The following GBE1 variants were observed in gnomAD, a reference collection of about 807,000 sequenced individuals.
The protein encoded by GBE1 is 1,4-alpha-glucan branching enzyme 1.
In GBE1, 70 loss-of-function variants were observed where a neutral mutation model predicts 88.8. That is an observed-to-expected ratio of 0.79 (90% CI 0.65 to 0.96). The LOEUF (loss-of-function observed/expected upper bound fraction) is 0.96, where lower values mean the gene tolerates loss of function less well. GBE1 is among the 40% of genes least tolerant of loss of function. The pLI, the probability that GBE1 is intolerant of heterozygous loss-of-function variation, is 0.00. For synonymous variants in GBE1, 284 were observed against 300.1 expected, an observed-to-expected ratio of 0.95 and a Z score of 0.56; for missense variants, 872 against 871.0, an observed-to-expected ratio of 1.00 and a Z score of -0.01.
intron 12 of GBE1, among the ~76,000 whole-genome samples, chr3:81,557,052 A>T (rs924821075): frequency 6.6e-6 from 1 of 152,078 alleles, no homozygotes; most frequent in Non-Finnish European, 1.5e-5. Flanking sequence ...CCCTTTCTTA[A>T]ACGATGAAGT....
intron 12 of GBE1, among the ~76,000 whole-genome samples, chr3:81,569,491 G>A (rs932543266): frequency 6.6e-6 from 1 of 152,162 alleles, no homozygotes; most frequent in Non-Finnish European, 1.5e-5. Flanking sequence ...TCATGCCCTT[G>A]CCATTTAAGA....
intron 14 of GBE1, among the ~76,000 whole-genome samples, chr3:81,502,397 TG>T (rs1197499738): frequency 6.6e-6 from 1 of 152,172 alleles, no homozygotes; most frequent in African/African-American, 2.4e-5. Flanking sequence ...AATTTAGACA[TG>T]TTTCTCTGGC....
intron 10 of GBE1, among the ~76,000 whole-genome samples, chr3:81,584,331 G>A (rs1703769859): frequency 6.6e-6 from 1 of 151,990 alleles, no homozygotes; most frequent in East Asian, 1.9e-4. Flanking sequence ...AACATCACAG[G>A]CCATATACAT....
chr3:81,528,980 T>C (rs555203637), intron 14 of GBE1, among the ~76,000 whole-genome samples: 1 of 152,184 alleles, frequency 6.6e-6, no homozygotes, highest in African/African-American at 2.4e-5. Context: ...TAATGTTATT[T>C]CTGATAAGGA....
chr3:81,591,303 C>T, intron 8 of GBE1, 139 bp from the exon 9 acceptor site: 1 of 562,562 alleles, frequency 1.8e-6, no homozygotes. Flanking sequence ...AGCAAATATA[C>T]TGACTTAGAA....
rs529860715 is a variant in GBE1, at chr3:81,646,589, T to C, written c.692-107A>G. 55 of 664,478 alleles carry C rather than the reference T, an allele frequency of 8.3e-5. No homozygotes were observed. In the East Asian group the frequency reaches 1.5e-3, roughly 18 times the overall value. 41.2% of individuals were successfully genotyped at this position (664,478 alleles called of 1,614,324 possible). A position where few individuals can be genotyped will look rare whatever the true frequency, so the allele number is the denominator to read the frequency against. On this transcript the variant is annotated intron_variant, in intron 5 of 15. Transcript: ENST00000429644. ...AATACATTAAAATTTACAAACAATC[T>C]AGAAGCTTTGGTCGTCTTGAAAAGT...
chr3:81,681,499 G>C (rs1324771099), intron 2 of GBE1, among the ~76,000 whole-genome samples: 3 of 152,150 alleles, frequency 2.0e-5, no homozygotes, highest in Admixed American at 1.3e-4. Context: ...CATGGCAATG[G>C]TTTACAGCAA....
intron 2 of GBE1, among the ~76,000 whole-genome samples, chr3:81,691,777 A>G (rs1422043836): frequency 1.3e-5 from 2 of 152,176 alleles, no homozygotes; most frequent in Non-Finnish European, 2.9e-5. Context: ...GGTCTCAAAA[A>G]TAATTAATTA....
At chr3:81,538,703 C>A (rs572994992) in intron 12 of GBE1, among the ~76,000 whole-genome samples, 1 of 152,068 alleles carries the variant, frequency 6.6e-6, no homozygotes, top group African/African-American at 2.4e-5. Context: ...GCAATCTTTA[C>A]TGATAATGAA....
At chr3:81,555,472 T>G (rs1466189586) in intron 12 of GBE1, among the ~76,000 whole-genome samples, 2 of 152,160 alleles carry the variant, frequency 1.3e-5, no homozygotes, top group Non-Finnish European at 2.9e-5. Flanking sequence ...AGCAATATAG[T>G]TAGTAACTTA....
In GBE1 at chr3:81,738,651, A is replaced by T. The variant is rs55903411; in HGVS notation, c.143+22724T>A. Among the ~76,000 whole-genome samples the T allele has an allele frequency of 5.0e-3, 766 of 152,278 alleles. 2 individuals are homozygous for T. The highest frequency in any genetic ancestry group is 0.018 in the African/African-American group (735 of 41,552). ...ATTCTAAAAAAATTCCATACCCTGG[A>T]ATGTAATTCCTTGGGTCATTTTATT... On this transcript the variant is annotated intron_variant, in intron 1 of 15. Transcript: ENST00000429644.
intron 2 of GBE1, among the ~76,000 whole-genome samples, chr3:81,675,800 C>T (rs1284926320): frequency 6.6e-6 from 1 of 152,010 alleles, no homozygotes; most frequent in African/African-American, 2.4e-5. Flanking sequence ...TTCCTATACG[C>T]ATAAATTATT....
chr3:81,684,214 G>C (rs1215760160), intron 2 of GBE1, among the ~76,000 whole-genome samples: 1 of 152,090 alleles, frequency 6.6e-6, no homozygotes, highest in African/African-American at 2.4e-5. Context: ...TCTGACTCCT[G>C]CTTCTGTCTG....
chr3:81,581,276 C>G lies in GBE1; in HGVS notation c.1336-1G>C. 1 of 1,515,520 alleles carries G rather than the reference C, an allele frequency of 6.6e-7. No individual in the cohort carries two copies. Among genetic ancestry groups the G allele is most frequent in the East Asian group, 2.3e-5 (1 of 43,610 alleles). 93.9% of individuals were successfully genotyped at this position (1,515,520 alleles called of 1,614,324 possible). A position where few individuals can be genotyped will look rare whatever the true frequency, so the allele number is the denominator to read the frequency against. On this transcript the variant is annotated splice_acceptor_variant, in intron 10 of 15. Transcript: ENST00000429644. LOFTEE classifies it high-confidence loss of function. ...CTTCATCTTTAAACTCTTTAAGTAG[C>G]TAGACACAAGAGAGAAAAATAAGCT...
At chr3:81,704,298 T>C (rs1705741203) in intron 2 of GBE1, among the ~76,000 whole-genome samples, 1 of 152,096 alleles carries the variant, frequency 6.6e-6, no homozygotes, top group Non-Finnish European at 1.5e-5. Flanking sequence ...TGCATATTAA[T>C]ATAAAACCCA....
intron 14 of GBE1, among the ~76,000 whole-genome samples, chr3:81,534,133 G>A (rs535361381): frequency 2.0e-4 from 30 of 152,050 alleles, no homozygotes; most frequent in Non-Finnish European, 3.7e-4. Context: ...CATTGTTAGG[G>A]CTTCAGGGGG....
At chr3:81,594,894 C>A (rs754868895) in intron 7 of GBE1, among the ~76,000 whole-genome samples, 2 of 151,648 alleles carry the variant, frequency 1.3e-5, no homozygotes, top group Admixed American at 1.3e-4. Context: ...GACTTTAATA[C>A]CTCATTTAGT....
chr3:81,509,493 T>C (rs1219249781), intron 14 of GBE1: 1 of 151,908 alleles, frequency 6.6e-6, no homozygotes, highest in Non-Finnish European at 1.5e-5. Context: ...CTCAGCCTTT[T>C]GGCTAAGATC....
chr3:81,630,691 T>G (rs563036799), intron 7 of GBE1, among the ~76,000 whole-genome samples: 1 of 152,110 alleles, frequency 6.6e-6, no homozygotes, highest in Admixed American at 6.6e-5. Context: ...AAGTGTAAAA[T>G]ACACACCAAA....
Sources: gnomAD v4.1 joint callset for allele counts (sites outside exome capture counted in the v4.1 genomes callset) on GRCh38, gnomAD v4.1.1 for gene constraint, MANE v1.5 for transcripts, NCBI Gene and HGNC (gene_info 2026-07-23, HGNC 2026-07-21) for gene names.